Variants in PDE4B observed in about 807,000 individuals in gnomAD.
PDE4B encodes the protein 3',5'-cyclic-AMP phosphodiesterase 4B.
In PDE4B, 20 loss-of-function variants were observed where a neutral mutation model predicts 82.2. That is an observed-to-expected ratio of 0.24 (90% CI 0.17 to 0.35). PDE4B has a LOEUF of 0.35. Ranked by LOEUF, PDE4B falls within the 10% of genes least tolerant of loss-of-function variation. PDE4B has a pLI of 1.00. For missense variants in PDE4B, 655 were observed against 907.2 expected, an observed-to-expected ratio of 0.72 and a Z score of 3.57; for synonymous variants, 320 against 318.9, an observed-to-expected ratio of 1.00 and a Z score of -0.04.
chr1:65,792,784 A>G (rs1645585944), upstream of PDE4B, among the ~76,000 whole-genome samples: 1 of 151,690 alleles, frequency 6.6e-6, no homozygotes, highest in Non-Finnish European at 1.5e-5. Context: ...TCACATTGTT[A>G]TTCCCCGCAC....
chr1:66,246,295 T>C (rs1439078669), intron 3 of PDE4B, among the ~76,000 whole-genome samples: 1 of 152,196 alleles, frequency 6.6e-6, no homozygotes, highest in African/African-American at 2.4e-5. Context: ...AGTGAAGAAA[T>C]ATAAGCAAAA....
intron 3 of PDE4B, among the ~76,000 whole-genome samples, chr1:66,175,728 T>C (rs1174316690): frequency 6.6e-6 from 1 of 152,208 alleles, no homozygotes; most frequent in African/African-American, 2.4e-5. Context: ...AAGAATGACA[T>C]TACTTCTTCC....
chr1:66,105,343 C>T (rs1470968780), intron 3 of PDE4B, among the ~76,000 whole-genome samples: 2 of 151,642 alleles, frequency 1.3e-5, no homozygotes, highest in African/African-American at 4.8e-5. Flanking sequence ...GTTACTGTAG[C>T]CTTGTAGTAT....
At chr1:65,884,980 C>A (rs967813380) in intron 1 of PDE4B, among the ~76,000 whole-genome samples, 15 of 152,168 alleles carry the variant, frequency 9.9e-5, no homozygotes, top group Admixed American at 7.9e-4. Flanking sequence ...GGGCTAATAT[C>A]CAGAATCTAC....
chr1:65,944,671 G>C (rs950137236), intron 3 of PDE4B, among the ~76,000 whole-genome samples: 4 of 151,880 alleles, frequency 2.6e-5, no homozygotes, highest in Non-Finnish European at 5.9e-5. Context: ...GACCAGCCCT[G>C]ACCATACAAG....
intron 3 of PDE4B, among the ~76,000 whole-genome samples, chr1:66,240,938 A>T (rs1431214934): frequency 6.6e-6 from 1 of 152,224 alleles, no homozygotes; most frequent in Non-Finnish European, 1.5e-5. Flanking sequence ...CAGAGCTGGA[A>T]GTAGAAGCCG....
chr1:66,135,230 T>A (rs570273003), intron 3 of PDE4B, among the ~76,000 whole-genome samples: 14 of 152,360 alleles, frequency 9.2e-5, no homozygotes, highest in African/African-American at 3.4e-4. Context: ...AGGCAGGTAG[T>A]TAAAGAACAA....
intron 1 of PDE4B, among the ~76,000 whole-genome samples, chr1:65,798,008 A>C (rs1271116602): frequency 6.6e-6 from 1 of 151,854 alleles, no homozygotes; most frequent in Non-Finnish European, 1.5e-5. Flanking sequence ...AAATGTTTAA[A>C]AATTTATTTA....
Position 65,986,175 on chromosome 1 carries a change from A to G in PDE4B, c.281+67340A>G, listed in dbSNP as rs994813191. Among the ~76,000 whole-genome samples, 6 of 152,210 alleles carry G rather than the reference A, an allele frequency of 3.9e-5. No homozygotes were observed. In the East Asian group the frequency reaches 1.2e-3, roughly 29 times the overall value. ...TCATATATTTAACTGCTAAATATTA[A>G]TCAATCAGAATACACAATGTCAGCC... On this transcript the variant is annotated intron_variant, in intron 3 of 16. Coordinates refer to ENST00000341517, the MANE Select transcript of PDE4B (RefSeq NM_002600.4).
intron 1 of PDE4B, among the ~76,000 whole-genome samples, chr1:65,796,599 T>G (rs1239591473): frequency 6.6e-6 from 1 of 151,960 alleles, no homozygotes; most frequent in African/African-American, 2.4e-5. Context: ...GCTGAGACAT[T>G]CTATTTTTTC....
At chr1:65,992,938 C>T in intron 3 of PDE4B, 2 of 1,613,860 alleles carry the variant, frequency 1.2e-6, no homozygotes, top group East Asian at 4.5e-5. Flanking sequence ...AAGGAACTTA[C>T]TGCTTCTGAA....
chr1:65,879,927 T>C (rs1490805225), intron 1 of PDE4B, among the ~76,000 whole-genome samples: 1 of 152,180 alleles, frequency 6.6e-6, no homozygotes, highest in Non-Finnish European at 1.5e-5. Context: ...TATCATTCCT[T>C]CATCATATAA....
intron 3 of PDE4B, among the ~76,000 whole-genome samples, chr1:66,122,863 G>A (rs901818599): frequency 1.3e-5 from 2 of 151,652 alleles, no homozygotes; most frequent in African/African-American, 2.4e-5. Context: ...CTGCCACCAC[G>A]CCTGGCTAAT....
chr1:65,969,990 A>G (rs953312152), intron 3 of PDE4B, among the ~76,000 whole-genome samples: 2 of 152,222 alleles, frequency 1.3e-5, no homozygotes, highest in African/African-American at 4.8e-5. Flanking sequence ...TCAAAAGTTC[A>G]TTTAATAATT....
At chr1:66,257,751 GTCT>G (rs1654354871) in intron 5 of PDE4B, 39 bp from the exon 6 acceptor site, 5 of 1,607,918 alleles carry the variant, frequency 3.1e-6, no homozygotes, top group Non-Finnish European at 4.3e-6. Flanking sequence ...CTGGCCATTT[GTCT>G]TCTTTTGTCC....
At chr1:65,930,718 T>A (rs1191525508) in intron 3 of PDE4B, among the ~76,000 whole-genome samples, 1 of 152,260 alleles carries the variant, frequency 6.6e-6, no homozygotes, top group Non-Finnish European at 1.5e-5. Context: ...TATACCCCCA[T>A]TGTATCTTGG....
intron 3 of PDE4B, among the ~76,000 whole-genome samples, chr1:65,997,522 C>T (rs80247010): frequency 0.058 from 8,829 of 152,134 alleles, 312 homozygotes; most frequent in Middle Eastern, 0.2. Context: ...TTAGAACTGC[C>T]GACATGCTTG....
At chr1:66,354,226 C>T (rs1406779319) in intron 8 of PDE4B, among the ~76,000 whole-genome samples, 1 of 152,180 alleles carries the variant, frequency 6.6e-6, no homozygotes, top group Admixed American at 6.5e-5. Flanking sequence ...TCAAATGCAT[C>T]ATCACTTTGA....
intron 7 of PDE4B, chr1:66,266,566 C>G (rs1655054090): frequency 2.6e-6 from 1 of 387,400 alleles, no homozygotes; most frequent in Admixed American, 3.5e-5. Flanking sequence ...AGGCTCTTTC[C>G]AGGTCACGAA....
Sources: gnomAD v4.1 joint callset for allele counts (sites outside exome capture counted in the v4.1 genomes callset) on GRCh38, gnomAD v4.1.1 for gene constraint, MANE v1.5 for transcripts, NCBI Gene and HGNC (gene_info 2026-07-23, HGNC 2026-07-21) for gene names.